Variants in ADD2 observed in about 807,000 individuals in gnomAD.
ADD2 encodes adducin 2.
ADD2 carries 23 observed loss-of-function variants against 83.0 expected under a neutral mutation model. The observed-to-expected ratio is 0.28, with a 90% CI of 0.20 to 0.39. The LOEUF is 0.39. Among genes scored for constraint, ADD2 ranks in the 10% least tolerant of loss-of-function variants. ADD2 has a pLI of 1.00. For synonymous variants in ADD2, 375 were observed against 375.4 expected (o/e 1.00, Z 0.01); for missense variants, 758 against 944.9 (o/e 0.80, Z 2.59).
At chr2:70,679,681 A>G (rs1357068309) in intron 10 of ADD2, among the ~76,000 whole-genome samples, 1 of 144,128 alleles carries the variant, frequency 6.9e-6, no homozygotes, top group Admixed American at 7.0e-5. Flanking sequence ...ATCCATGTAG[A>G]AAAATTAAGC....
In ADD2 at chr2:70,683,532, G is replaced by T. The variant is rs1670567029; in HGVS notation, c.1125+59C>A. 6 of 1,531,518 alleles carry T rather than the reference G, an allele frequency of 3.9e-6. No individual in the cohort carries two copies. The South Asian group carries it at 7.5e-5, about 19-fold the overall frequency. 94.9% of individuals were successfully genotyped at this position (1,531,518 alleles called of 1,614,324 possible). ...GCCCACCTGATGCCTTGTACTTCCT[G>T]GTTCCAGGGGGCTAAGCCTCAATGG... On this transcript the variant is annotated intron_variant, in intron 10 of 15. Coordinates refer to ENST00000264436, the MANE Select transcript of ADD2 (RefSeq NM_001617.4).
At chr2:70,718,265 A>G (rs1015206027) in intron 1 of ADD2, among the ~76,000 whole-genome samples, 3 of 152,282 alleles carry the variant, frequency 2.0e-5, no homozygotes, top group African/African-American at 7.2e-5. Flanking sequence ...AACTAAATAA[A>G]CAGTTATTTG....
intron 15 of ADD2, among the ~76,000 whole-genome samples, chr2:70,666,462 C>A (rs1675805622): frequency 6.6e-6 from 1 of 152,212 alleles, no homozygotes; most frequent in Non-Finnish European, 1.5e-5. Flanking sequence ...GGCTCTGCAA[C>A]TTCAAACTAG....
chr2:70,661,082 T>G lies in ADD2; in HGVS notation c.*2343A>C, dbSNP rs1322723652. 1 of 152,178 alleles carries G rather than the reference T, an allele frequency of 6.6e-6. No homozygotes were observed. Among genetic ancestry groups the G allele is most frequent in the East Asian group, 1.9e-4 (1 of 5,184 alleles). The allele number at this position is 152,178 out of a possible 1,614,324, so 9.4% of individuals were successfully genotyped here. A position where few individuals can be genotyped will look rare whatever the true frequency, so the allele number is the denominator to read the frequency against. ...ATGGCATAAATTCCCAGAATAATGC[T>G]GCAGCAAGACTCCACCCAATGAGGC... is the stretch of plus-strand genomic sequence containing the variant. On this transcript the variant is annotated 3_prime_UTR_variant, in exon 16 of 16. Transcript: ENST00000264436.
At chr2:70,753,686 G>A (rs1674629009) in intron 1 of ADD2, among the ~76,000 whole-genome samples, 1 of 152,068 alleles carries the variant, frequency 6.6e-6, no homozygotes, top group Non-Finnish European at 1.5e-5. Flanking sequence ...GGGGTGGAGA[G>A]GAAAGGAAAT....
At chr2:70,675,684 C>T (rs1553368121) in intron 13 of ADD2, 1 of 985,326 alleles carries the variant, frequency 1.0e-6, no homozygotes, top group African/African-American at 1.7e-5. Flanking sequence ...GCTGCCAGTC[C>T]TCCCTGCCCT....
intron 13 of ADD2, chr2:70,675,390 A>C (rs1239278984): frequency 4.1e-6 from 4 of 985,550 alleles, no homozygotes; most frequent in Non-Finnish European, 4.8e-6. Flanking sequence ...AAGGTTCCTG[A>C]GTCTCAGATC....
At chr2:70,726,959 AG>A (rs1448960310) in intron 1 of ADD2, among the ~76,000 whole-genome samples, 1 of 152,184 alleles carries the variant, frequency 6.6e-6, no homozygotes, top group Non-Finnish European at 1.5e-5. Flanking sequence ...CAATGCACAC[AG>A]GGTTATATTT....
chr2:70,748,880 T>A (rs3771409), intron 1 of ADD2, among the ~76,000 whole-genome samples: 100,395 of 152,118 alleles, frequency 0.66, 34,455 homozygotes, highest in East Asian at 0.9. Flanking sequence ...TAAATAATTT[T>A]AAAGGCACTT....
At chr2:70,687,764 A>G (rs1277169458) in intron 9 of ADD2, among the ~76,000 whole-genome samples, 2 of 152,228 alleles carry the variant, frequency 1.3e-5, no homozygotes, top group African/African-American at 4.8e-5. Context: ...GCAGCTCCCC[A>G]GACTGGGCAC....
At chr2:70,704,267 C>CCCCCCCCCCCCCCCCCCCCCA in intron 4 of ADD2, 54 bp downstream of exon 4, 2 of 1,066,672 alleles carry the variant, frequency 1.9e-6, no homozygotes, top group Non-Finnish European at 2.7e-6. Context: ...CTCTCTTCCC[C>CCCCCCCCCCCCCCCCCCCCCA]ACCCCACCCT....
intron 1 of ADD2, among the ~76,000 whole-genome samples, chr2:70,763,983 A>G (rs569513950): frequency 1.3e-5 from 2 of 150,840 alleles, no homozygotes; most frequent in East Asian, 3.9e-4. Context: ...TGCCTCCAGG[A>G]TTCAAGTGAT....
At chr2:70,767,372 G>C in intron 1 of ADD2, 1 of 154,742 alleles carries the variant, frequency 6.5e-6, no homozygotes, top group Non-Finnish European at 1.4e-5. Flanking sequence ...TGCCGACGCC[G>C]CACCTGCTCG....
At chr2:70,667,962 C>T (rs1206253868) in intron 15 of ADD2, among the ~76,000 whole-genome samples, 1 of 152,080 alleles carries the variant, frequency 6.6e-6, no homozygotes, top group Non-Finnish European at 1.5e-5. Flanking sequence ...GAAGATCTGC[C>T]CTCACCAACA....
In ADD2 at chr2:70,706,130, C is replaced by T; in HGVS notation, c.183+96G>A. 1.5e-6 allele frequency: 2 copies of T among 1,338,428 alleles called. No individual in the cohort carries two copies. The highest frequency in any genetic ancestry group is 2.1e-6 in the Non-Finnish European group (2 of 963,286). The allele number at this position is 1,338,428 out of a possible 1,614,324, so 82.9% of individuals were successfully genotyped here. On this transcript the variant is annotated intron_variant, in intron 3 of 15. Transcript: ENST00000264436. This position sits in a 1 kb window ranked among gnomAD's most constrained non-coding sequence, Gnocchi z 5.0. Reference sequence around the variant, plus strand: ...GGCTTACATTTCTACTGACCCTGAGCAAGGGAAAGAGGAGTTACTCATCTT... The same window carrying T: ...GGCTTACATTTCTACTGACCCTGAGTAAGGGAAAGAGGAGTTACTCATCTT...
chr2:70,765,929 T>C (rs911846890), intron 1 of ADD2, among the ~76,000 whole-genome samples: 4 of 152,216 alleles, frequency 2.6e-5, no homozygotes, highest in African/African-American at 7.2e-5. Context: ...TAAATAAATA[T>C]ATCTACTAGT....
intron 1 of ADD2, among the ~76,000 whole-genome samples, chr2:70,720,163 ACTGGAGGGTAATC>A (rs1462601834): frequency 2.0e-5 from 3 of 152,128 alleles, no homozygotes; most frequent in Non-Finnish European, 4.4e-5. Context: ...TTGCATCTAA[ACTGGAGGGTAATC>A]CTGCACTATC....
At chr2:70,672,780 T>G (rs1669955245) in intron 15 of ADD2, 98 bp downstream of exon 15, 1 of 1,386,862 alleles carries the variant, frequency 7.2e-7, no homozygotes, top group Non-Finnish European at 9.6e-7. Flanking sequence ...AGGGGAAAGA[T>G]TTTCAGATTA....
intron 4 of ADD2, 47 bp downstream of exon 4, chr2:70,704,274 C>CCCCCA: frequency 7.2e-7 from 1 of 1,391,804 alleles, no homozygotes. Context: ...CCCCACCCCA[C>CCCCCA]CCTCCCCTCC....
Sources: gnomAD v4.1 joint callset for allele counts (sites outside exome capture counted in the v4.1 genomes callset) on GRCh38, gnomAD v4.1.1 for gene constraint, Gnocchi (gnomAD v3.1) non-coding constraint, MANE v1.5 for transcripts, NCBI Gene and HGNC (gene_info 2026-07-23, HGNC 2026-07-21) for gene names.